TBCK: variants seen among roughly 807,000 people sequenced by gnomAD.
TBCK encodes TBC1 domain containing kinase.
In TBCK, 99 loss-of-function variants were observed where a neutral mutation model predicts 113.4. The ratio of observed to expected loss-of-function variants is 0.87; its 90% CI spans 0.74 to 1.03. The LOEUF (loss-of-function observed/expected upper bound fraction) is 1.03, where lower values mean the gene tolerates loss of function less well. Among genes scored for constraint, TBCK ranks in the 50% least tolerant of loss-of-function variants. The probability of loss-of-function intolerance (pLI) is 0.00; values close to 1 mark genes in which losing one functional copy is unlikely to be tolerated. For missense variants in TBCK, 1,045 were observed against 1,061.3 expected, an observed-to-expected ratio of 0.98 and a Z score of 0.21; for synonymous variants, 369 against 370.8, an observed-to-expected ratio of 1.00 and a Z score of 0.05.
At chr4:106,200,809 TGAAA>T (rs1439931678) in intron 20 of TBCK, among the ~76,000 whole-genome samples, 2 of 151,998 alleles carry the variant, frequency 1.3e-5, no homozygotes, top group Non-Finnish European at 2.9e-5. Flanking sequence ...AAATATTTGT[TGAAA>T]GAATGAATGA....
intron 25 of TBCK, among the ~76,000 whole-genome samples, chr4:106,080,591 C>T (rs540528812): frequency 1.3e-5 from 2 of 152,250 alleles, no homozygotes; most frequent in East Asian, 3.9e-4. Flanking sequence ...CTTGGCAATA[C>T]CATTCTGGGC....
intron 3 of TBCK, among the ~76,000 whole-genome samples, chr4:106,273,619 G>C (rs1005392854): frequency 6.6e-6 from 1 of 152,142 alleles, no homozygotes; most frequent in African/African-American, 2.4e-5. Flanking sequence ...AATGTCGAGC[G>C]TTCTTATAAA....
chr4:106,188,588 A>G (rs73838136), intron 22 of TBCK, among the ~76,000 whole-genome samples: 2,771 of 152,250 alleles, frequency 0.018, 79 homozygotes, highest in African/African-American at 0.061. Flanking sequence ...TCAACCATAA[A>G]ACAAGCAGCT....
At chr4:106,060,617 G>A (rs1735929562) in intron 25 of TBCK, among the ~76,000 whole-genome samples, 1 of 151,844 alleles carries the variant, frequency 6.6e-6, no homozygotes, top group Admixed American at 6.6e-5. Flanking sequence ...AGAGATGAAT[G>A]TTGTCTTCAT....
At chr4:106,117,128 T>G (rs1030424908) in intron 23 of TBCK, among the ~76,000 whole-genome samples, 1 of 152,148 alleles carries the variant, frequency 6.6e-6, no homozygotes, top group Non-Finnish European at 1.5e-5. Context: ...ATTATTGTTT[T>G]GATTGACTGC....
chr4:106,245,300 A>T (rs533826491), intron 10 of TBCK, among the ~76,000 whole-genome samples: 1 of 152,316 alleles, frequency 6.6e-6, no homozygotes, highest in East Asian at 1.9e-4. Flanking sequence ...AAATGTAACC[A>T]TTCTGAAATA....
At chr4:106,163,706 T>C (rs1750054181) in intron 23 of TBCK, 1 of 152,094 alleles carries the variant, frequency 6.6e-6, no homozygotes, top group Non-Finnish European at 1.5e-5. Flanking sequence ...GAGAACTCAC[T>C]CACTATTATG....
intron 6 of TBCK, chr4:106,251,277 G>A (rs1177782400): frequency 6.4e-6 from 1 of 155,952 alleles, no homozygotes; most frequent in East Asian, 1.9e-4. Flanking sequence ...CATTAATGTT[G>A]GCTATCATTA....
At chr4:106,114,125 C>T (rs28868894) in intron 24 of TBCK, among the ~76,000 whole-genome samples, 35,193 of 152,162 alleles carry the variant, frequency 0.23, 4,140 homozygotes, top group South Asian at 0.27. Context: ...GACAAACCTG[C>T]TGCTGCACAC....
chr4:106,311,323 C>T (rs923736909), intron 1 of TBCK, among the ~76,000 whole-genome samples: 1 of 151,052 alleles, frequency 6.6e-6, no homozygotes, highest in African/African-American at 2.4e-5. Flanking sequence ...ATTTAAATGT[C>T]CAATGGTAGG....
At chr4:106,113,369 C>A (rs908418075) in intron 24 of TBCK, among the ~76,000 whole-genome samples, 8 of 152,074 alleles carry the variant, frequency 5.3e-5, no homozygotes, top group Non-Finnish European at 1.2e-4. Context: ...CCTTATTTAC[C>A]CTTAATTTTG....
chr4:106,194,939 G>GTTTAAGAGAAAA (rs1230320320), intron 20 of TBCK, among the ~76,000 whole-genome samples, 185 bp from the exon 21 acceptor site: 2 of 151,998 alleles, frequency 1.3e-5, no homozygotes, highest in Non-Finnish European at 2.9e-5. Context: ...TTTTAAGTTC[G>GTTTAAGAGAAAA]GCCTAAAGAT....
At chr4:106,056,268 ATT>A (rs371739787) in intron 25 of TBCK, among the ~76,000 whole-genome samples, 26 of 136,632 alleles carry the variant, frequency 1.9e-4, no homozygotes, top group African/African-American at 3.3e-4. Context: ...TTTTTAATTA[ATT>A]TTTTTTTTTT....
At chr4:106,245,891 C>T (rs1056700595) in intron 10 of TBCK, among the ~76,000 whole-genome samples, 1 of 152,024 alleles carries the variant, frequency 6.6e-6, no homozygotes, top group Admixed American at 6.6e-5. Flanking sequence ...CATTTAGATC[C>T]CATTAGCCAA....
chr4:106,268,886 T>C (rs1763230717), intron 3 of TBCK, among the ~76,000 whole-genome samples: 1 of 152,072 alleles, frequency 6.6e-6, no homozygotes, highest in Non-Finnish European at 1.5e-5. Flanking sequence ...TTGGAAATCA[T>C]TCATGTATAA....
At chr4:106,151,015 G>A (rs1748417393) in intron 23 of TBCK, among the ~76,000 whole-genome samples, 2 of 151,808 alleles carry the variant, frequency 1.3e-5, no homozygotes, top group South Asian at 4.2e-4. Flanking sequence ...TTTTATGTAT[G>A]TATGTTTGCT....
chr4:106,300,240 T>C (rs1297374063), intron 2 of TBCK, among the ~76,000 whole-genome samples: 1 of 152,238 alleles, frequency 6.6e-6, no homozygotes, highest in Admixed American at 6.5e-5. Context: ...ACGTTTTTCC[T>C]GTACAAATTA....
intron 11 of TBCK, 150 bp from the exon 12 acceptor site, chr4:106,242,719 T>G (rs1760301080): frequency 2.1e-6 from 1 of 480,762 alleles, no homozygotes; most frequent in South Asian, 2.6e-5. Context: ...TTTTTTTAAT[T>G]ATTATTATTA....
chr4:106,205,667 G>A (rs1755413207), intron 20 of TBCK, among the ~76,000 whole-genome samples: 1 of 150,880 alleles, frequency 6.6e-6, no homozygotes, highest in African/African-American at 2.4e-5. Flanking sequence ...TTGGGAGGCT[G>A]AGGCAGGAGA....
Sources: gnomAD v4.1 joint callset for allele counts (sites outside exome capture counted in the v4.1 genomes callset) on GRCh38, gnomAD v4.1.1 for gene constraint, MANE v1.5 for transcripts, NCBI Gene and HGNC (gene_info 2026-07-23, HGNC 2026-07-21) for gene names.